C3orf52: variants seen among roughly 807,000 people sequenced by gnomAD.
C3orf52 encodes chromosome 3 open reading frame 52, also known as TPA-induced transmembrane protein.
A neutral mutation model predicts 24.8 loss-of-function variants in C3orf52; 22 were observed. The ratio of observed to expected loss-of-function variants is 0.89; its 90% CI spans 0.63 to 1.27. C3orf52 has a LOEUF of 1.27. Ranked by LOEUF, C3orf52 falls within the 50% of genes most tolerant of loss-of-function variation. C3orf52 has a pLI of 0.00. For synonymous variants in C3orf52, 93 were observed against 100.2 expected, an observed-to-expected ratio of 0.93 and a Z score of 0.43; for missense variants, 265 against 260.7, an observed-to-expected ratio of 1.02 and a Z score of -0.11.
downstream of C3orf52, chr3:112,133,235 T>A (rs994533248): frequency 5.5e-6 from 6 of 1,087,458 alleles, no homozygotes; most frequent in African/African-American, 9.3e-5. Flanking sequence ...TGGCCACCCG[T>A]GCAGAGACAG....
chr3:112,135,155 C>T (rs150803637), downstream of C3orf52: 1,846 of 154,304 alleles, frequency 0.012, 12 homozygotes, highest in Non-Finnish European at 0.019. Context: ...AAAGAAATCT[C>T]GGGACAGGAA....
chr3:112,113,807 CAGAA>C (rs2074109311), intron 5 of C3orf52, among the ~76,000 whole-genome samples: 1 of 152,216 alleles, frequency 6.6e-6, no homozygotes, highest in Non-Finnish European at 1.5e-5. Flanking sequence ...CAAAACCTGA[CAGAA>C]AGGAAGGTCA....
intron 4 of C3orf52, chr3:112,127,045 A>G (rs1437478460): frequency 1.3e-6 from 2 of 1,547,460 alleles, no homozygotes; most frequent in African/African-American, 2.7e-5. Flanking sequence ...TGTAAAAGAA[A>G]AGCAAAGCAA....
intron 2 of C3orf52, among the ~76,000 whole-genome samples, chr3:112,100,174 C>A (rs555922974): frequency 1.3e-5 from 2 of 152,296 alleles, no homozygotes; most frequent in East Asian, 3.9e-4. Flanking sequence ...CATGACCACC[C>A]GATTAACCTC....
intron 5 of C3orf52, among the ~76,000 whole-genome samples, chr3:112,114,018 G>C (rs972655995): frequency 9.2e-5 from 14 of 152,170 alleles, no homozygotes; most frequent in Non-Finnish European, 5.9e-5. Flanking sequence ...CACATGAGTA[G>C]GTTCTCAGTA....
chr3:112,123,340 G>A lies in C3orf52; in HGVS notation c.*46+3778G>A. On this transcript the variant is annotated intron_variant, in intron 4 of 4. Coordinates refer to the C3orf52 transcript ENST00000480282. The stretch of plus-strand genomic sequence containing the variant: ...ATACAAACCATGCTCTGCAGGGAAA[G>A]GGTTGTTGTGGGAGATAAGCTGGAG... The A allele has an allele frequency of 2.6e-6, 4 of 1,511,018 alleles. No individual in the cohort carries two copies. In the South Asian group the frequency reaches 4.1e-5, roughly 15 times the overall value. The allele number at this position is 1,511,018 out of a possible 1,614,324, so 93.6% of individuals were successfully genotyped here.
chr3:112,106,155 G>A (rs774292872), intron 3 of C3orf52, among the ~76,000 whole-genome samples: 1 of 152,192 alleles, frequency 6.6e-6, no homozygotes, highest in Non-Finnish European at 1.5e-5. Context: ...GATTTTTATG[G>A]AGATTTCCTC....
intron 2 of C3orf52, among the ~76,000 whole-genome samples, chr3:112,096,938 C>T (rs1388041467): frequency 6.6e-6 from 1 of 152,090 alleles, no homozygotes; most frequent in Non-Finnish European, 1.5e-5. Context: ...TGAGTAGGGG[C>T]TTTGTATGTG....
At chr3:112,104,450 A>G (rs528954895) in intron 3 of C3orf52, among the ~76,000 whole-genome samples, 2 of 152,212 alleles carry the variant, frequency 1.3e-5, no homozygotes, top group African/African-American at 4.8e-5. Context: ...GATTCCTACA[A>G]AAGCTCCTGA....
chr3:112,112,275 A>T (rs536950348), intron 4 of C3orf52: 2 of 152,328 alleles, frequency 1.3e-5, no homozygotes, highest in Non-Finnish European at 2.9e-5. Flanking sequence ...TTCTAGGAAG[A>T]TGAAAATTCC....
intron 5 of C3orf52, among the ~76,000 whole-genome samples, chr3:112,115,993 G>T (rs1476861750): frequency 3.3e-5 from 5 of 152,156 alleles, no homozygotes; most frequent in African/African-American, 1.2e-4. Flanking sequence ...TCAGCATCAT[G>T]AGTTATTTTG....
chr3:112,132,516 T>A, downstream of C3orf52: 1 of 310,456 alleles, frequency 3.2e-6, no homozygotes, highest in Non-Finnish European at 4.7e-6. Context: ...GCTAGCACAA[T>A]ACACACTAGA....
At chr3:112,129,789 T>G (rs2074409359), downstream of C3orf52, 1 of 152,196 alleles carries the variant, frequency 6.6e-6, no homozygotes, top group South Asian at 2.1e-4. Flanking sequence ...GTTTTTTAAT[T>G]GCTCCTCTTT....
chr3:112,092,127 T>TATTC (rs2073884124), intron 1 of C3orf52, among the ~76,000 whole-genome samples: 1 of 152,144 alleles, frequency 6.6e-6, no homozygotes, highest in South Asian at 2.1e-4. Flanking sequence ...CGCTGAGGAA[T>TATTC]GACTGAGGCG....
Position 112,117,065 on chromosome 3 carries a change from T to C in C3orf52, c.*419T>C, listed in dbSNP as rs1196977762. ...GCACTCCACCCACCTGGGCTACTTT[T>C]TCTTTAGTGCAGAGGTGCACTGTCT... On this transcript the variant is annotated 3_prime_UTR_variant, in exon 6 of 6. Transcript: ENST00000264848. 11 of 752,590 alleles carry C rather than the reference T, an allele frequency of 1.5e-5. No individual in the cohort carries two copies. The highest frequency in any genetic ancestry group is 2.3e-5 in the Non-Finnish European group (11 of 471,278). The allele number at this position is 752,590 out of a possible 1,614,324, so 46.6% of individuals were successfully genotyped here.
chr3:112,103,116 T>A (rs946668091), intron 3 of C3orf52, among the ~76,000 whole-genome samples, 151 bp downstream of exon 3: 1 of 152,236 alleles, frequency 6.6e-6, no homozygotes, highest in Non-Finnish European at 1.5e-5. Context: ...AAATATATTT[T>A]ATGACCAAAT....
intron 1 of C3orf52, among the ~76,000 whole-genome samples, chr3:112,090,575 G>C (rs1379917699): frequency 6.6e-6 from 1 of 152,176 alleles, no homozygotes; most frequent in Non-Finnish European, 1.5e-5. Context: ...GCTGAGGACA[G>C]GTCAGTGAGG....
chr3:112,098,121 A>G (rs1292919343), intron 2 of C3orf52, among the ~76,000 whole-genome samples: 1 of 152,180 alleles, frequency 6.6e-6, no homozygotes, highest in Non-Finnish European at 1.5e-5. Context: ...TCACTGGCAC[A>G]CTTCCAGAAA....
chr3:112,094,468 C>T (rs2073909366), intron 2 of C3orf52, among the ~76,000 whole-genome samples: 1 of 152,054 alleles, frequency 6.6e-6, no homozygotes, highest in African/African-American at 2.4e-5. Flanking sequence ...CCATAAAACC[C>T]ATCTGTAATA....
Sources: gnomAD v4.1 joint callset for allele counts (sites outside exome capture counted in the v4.1 genomes callset) on GRCh38, gnomAD v4.1.1 for gene constraint, MANE v1.5 for transcripts, NCBI Gene and HGNC (gene_info 2026-07-23, HGNC 2026-07-21) for gene names.